FRY: variants seen among roughly 807,000 people sequenced by gnomAD.
FRY encodes protein furry homolog.
FRY carries 128 observed loss-of-function variants against 348.4 expected under a neutral mutation model. The observed-to-expected ratio is 0.37, with a 90% confidence interval of 0.32 to 0.43. FRY has a LOEUF of 0.43. FRY is among the 20% of genes least tolerant of loss of function. The pLI is 1.00. For synonymous variants in FRY, 1,370 were observed against 1,374.7 expected, an observed-to-expected ratio of 1.00 and a Z score of 0.08; for missense variants, 2,736 against 3,695.2, an observed-to-expected ratio of 0.74 and a Z score of 6.73.
intron 46 of FRY, among the ~76,000 whole-genome samples, chr13:32,241,430 A>G (rs533744327): frequency 6.6e-6 from 1 of 152,380 alleles, no homozygotes; most frequent in East Asian, 1.9e-4. Context: ...GATTCTGCTT[A>G]TATGAGGTAC....
rs531481891 is a variant in FRY at position 32,069,008 on chromosome 13, C to T, written c.71-9826C>T. 1.6e-3 allele frequency among the ~76,000 whole-genome samples: 232 copies of T among 149,412 alleles called. 2 individuals carry two copies. Among genetic ancestry groups the T allele is most frequent in the African/African-American group, 5.2e-3 (209 of 40,550 alleles). ...TCGGCTCACTGCAAGCTCCGCCTGC[C>T]GGGTTCACGCCCATTCTCCTGCCTC... On this transcript the variant is annotated intron_variant, in intron 1 of 60. Coordinates refer to ENST00000542859, the MANE Select transcript of FRY (RefSeq NM_023037.3).
At chr13:32,084,155 T>A (rs407961) in intron 2 of FRY, among the ~76,000 whole-genome samples, 93,668 of 151,914 alleles carry the variant, frequency 0.62, 29,024 homozygotes, top group Admixed American at 0.63. Context: ...TTGCTTTCCA[T>A]GCAGATAGAG....
chr13:32,146,810 G>C (rs923644038), intron 11 of FRY, among the ~76,000 whole-genome samples: 5 of 152,114 alleles, frequency 3.3e-5, no homozygotes, highest in African/African-American at 1.2e-4. Context: ...CTGCATCTCA[G>C]GTTCTAGCAC....
At chr13:32,050,064 G>A (rs1174404214) in intron 1 of FRY, among the ~76,000 whole-genome samples, 3 of 152,166 alleles carry the variant, frequency 2.0e-5, no homozygotes. Context: ...TTGTATAGCT[G>A]CTATGTAAAG....
At chr13:32,205,486 G>A (rs1884302230) in intron 31 of FRY, among the ~76,000 whole-genome samples, 1 of 152,202 alleles carries the variant, frequency 6.6e-6, no homozygotes, top group Non-Finnish European at 1.5e-5. Context: ...CTAGCATGAT[G>A]TAATTGGGGG....
At chr13:32,141,033 G>A (rs186558598) in intron 11 of FRY, among the ~76,000 whole-genome samples, 32 of 151,920 alleles carry the variant, frequency 2.1e-4, no homozygotes, top group Admixed American at 1.4e-3. Flanking sequence ...TAGTTATTCC[G>A]CTTTACTATT....
chr13:32,079,369 A>C (rs1201363306), intron 2 of FRY, among the ~76,000 whole-genome samples: 1 of 152,124 alleles, frequency 6.6e-6, no homozygotes, highest in Non-Finnish European at 1.5e-5. Flanking sequence ...ATATATATAT[A>C]TCTCATATAT....
intron 11 of FRY, 152 bp downstream of exon 11, chr13:32,137,124 A>G: frequency 1.5e-6 from 1 of 654,548 alleles, no homozygotes; most frequent in Non-Finnish European, 2.7e-6. Context: ...AAGAGTTCTT[A>G]TTAAATATAG....
intron 2 of FRY, among the ~76,000 whole-genome samples, chr13:32,088,962 A>C (rs371806092): frequency 1.1e-4 from 17 of 152,330 alleles, no homozygotes; most frequent in African/African-American, 4.1e-4. Flanking sequence ...ACAAAAGATC[A>C]TCTGGAAGTA....
chr13:32,078,140 T>C (rs559606862), intron 1 of FRY, among the ~76,000 whole-genome samples: 1 of 152,332 alleles, frequency 6.6e-6, no homozygotes, highest in South Asian at 2.1e-4. Flanking sequence ...CATCAGGAGC[T>C]TTAATAGCTG....
At chr13:32,207,918 A>G (rs1884447920) in intron 31 of FRY, among the ~76,000 whole-genome samples, 2 of 152,214 alleles carry the variant, frequency 1.3e-5, no homozygotes, top group African/African-American at 4.8e-5. Context: ...TTCCCTGAGG[A>G]TAAAATACCT....
At chr13:32,060,648 A>T (rs1873887529) in intron 1 of FRY, among the ~76,000 whole-genome samples, 1 of 152,212 alleles carries the variant, frequency 6.6e-6, no homozygotes, top group South Asian at 2.1e-4. Flanking sequence ...TCACAGGAAC[A>T]CAACCCCAGC....
At chr13:32,184,418 T>C (rs1182475309) in intron 24 of FRY, among the ~76,000 whole-genome samples, 182 bp from the exon 25 acceptor site, 1 of 152,186 alleles carries the variant, frequency 6.6e-6, no homozygotes, top group Non-Finnish European at 1.5e-5. Context: ...TTTTTTTTTC[T>C]TACAGCCTGT....
chr13:32,173,592 C>T (rs1360617124), intron 19 of FRY, 43 bp downstream of exon 19: 4 of 1,413,388 alleles, frequency 2.8e-6, no homozygotes, highest in African/African-American at 2.9e-5. Flanking sequence ...TTACTTTCAA[C>T]TCTTCTGAAA....
At chr13:32,221,672 C>T (rs1466814006) in intron 36 of FRY, among the ~76,000 whole-genome samples, 12 of 152,148 alleles carry the variant, frequency 7.9e-5, no homozygotes, top group Non-Finnish European at 1.6e-4. Flanking sequence ...GCCACCACAC[C>T]TAGCTAATTT....
In FRY at chr13:32,228,496, G is replaced by A; in HGVS notation, c.5247G>A (p.Val1749=). 1 of 1,613,138 alleles carries A rather than the reference G, an allele frequency of 6.2e-7. No individual in the cohort carries two copies. Among genetic ancestry groups the A allele is most frequent in the Non-Finnish European group, 8.5e-7 (1 of 1,179,868 alleles). Residue 1749 remains valine, a synonymous_variant, in exon 40 of 61, where the codon GTG becomes GTA. Coordinates refer to ENST00000542859, the MANE Select transcript of FRY (RefSeq NM_023037.3). ...DFLREDQSSP[V]PDSGLSSSST... ...TGAGAGAGGACCAGTCATCCCCGGTGCCTGACTCAGGGCTTAGTTCAAGCT... is the reference window on the plus strand; with the variant it reads ...TGAGAGAGGACCAGTCATCCCCGGTACCTGACTCAGGGCTTAGTTCAAGCT...
Position 32,185,086 on chromosome 13 carries a change from T to C in FRY, c.3257T>C (p.Ile1086Thr). 1 of 1,614,058 alleles carries C rather than the reference T, an allele frequency of 6.2e-7. No homozygotes were observed. ...LEAENDKEVE[I>T]LKDIRAHFSA... Reference sequence around the variant, plus strand: ...GCTGAAAATGACAAAGAAGTTGAAATTCTTAAAGATATCCGGGCACATTTT... The same window carrying C: ...GCTGAAAATGACAAAGAAGTTGAAACTCTTAAAGATATCCGGGCACATTTT... The change falls in exon 26 of 61, where the codon ATT (isoleucine) becomes ACT (threonine). Residue 1086 changes from isoleucine (I) to threonine (T), a missense_variant. Ile to Thr is a moderately conservative substitution (Grantham distance 89, BLOSUM62 -1). This residue lies in a region of FRY where 449 missense variants were observed against 576.9 expected (regional missense o/e 0.78). Transcript: ENST00000542859.
intron 3 of FRY, among the ~76,000 whole-genome samples, chr13:32,112,094 T>C (rs1421033827): frequency 1.3e-5 from 2 of 152,204 alleles, no homozygotes; most frequent in Non-Finnish European, 2.9e-5. Flanking sequence ...GAGTTTGTGC[T>C]TGGACACGGG....
intron 29 of FRY, among the ~76,000 whole-genome samples, chr13:32,201,323 T>C (rs1884014751): frequency 1.3e-5 from 2 of 152,166 alleles, no homozygotes; most frequent in African/African-American, 4.8e-5. Context: ...AAGACTTCTC[T>C]ACCCCCCATC....
Sources: allele counts gnomAD v4.1 joint callset (sites outside exome capture counted in the v4.1 genomes callset), GRCh38; gene constraint gnomAD v4.1.1; regional missense constraint gnomAD v4.1.1; transcripts MANE v1.5; gene names NCBI Gene and HGNC (gene_info 2026-07-23, HGNC 2026-07-21).